The following LOC400499 variants were observed in gnomAD, a reference collection of about 807,000 sequenced individuals.
At chr16:11,458,557 G>C in the LOC400499 span, among the ~76,000 whole-genome samples, 1 of 151,768 alleles carries the variant, frequency 6.6e-6, no homozygotes, top group Non-Finnish European at 1.5e-5. Context: ...GTGTTAGCTA[G>C]AGTAGTCAAA....
chr16:11,471,044 G>A, the LOC400499 span, among the ~76,000 whole-genome samples: 1,016 of 152,344 alleles, frequency 6.7e-3, 7 homozygotes, highest in Middle Eastern at 0.01. Flanking sequence ...GGGCCTGTGG[G>A]TCACGGCGTC....
chr16:11,383,440 G>C, the LOC400499 span, among the ~76,000 whole-genome samples: 5 of 152,164 alleles, frequency 3.3e-5, no homozygotes, highest in Middle Eastern at 3.2e-3. Context: ...ACCAAACGGA[G>C]GGCACTAGGC....
At chr16:11,391,552 G>C in the LOC400499 span, 1 of 908,692 alleles carries the variant, frequency 1.1e-6, no homozygotes, top group Non-Finnish European at 1.4e-6. Flanking sequence ...GGGAAGCGAG[G>C]CCACATTTCT....
At chr16:11,415,703 A>G in the LOC400499 span, among the ~76,000 whole-genome samples, 4 of 152,156 alleles carry the variant, frequency 2.6e-5, no homozygotes, top group African/African-American at 9.7e-5. Flanking sequence ...GGTAGGGACA[A>G]CAGACTGGAC....
At chr16:11,510,169 C>T in the LOC400499 span, among the ~76,000 whole-genome samples, 1 of 151,540 alleles carries the variant, frequency 6.6e-6, no homozygotes, top group African/African-American at 2.4e-5. Flanking sequence ...CAAAGACCTA[C>T]CCTCGAATCC....
chr16:11,506,904 C>T, the LOC400499 span, among the ~76,000 whole-genome samples: 4 of 152,210 alleles, frequency 2.6e-5, no homozygotes, highest in African/African-American at 4.8e-5. Context: ...TGGTGTGCAC[C>T]GATGTGTCCC....
the LOC400499 span, chr16:11,475,543 C>G: frequency 3.8e-5 from 15 of 397,768 alleles, no homozygotes; most frequent in Non-Finnish European, 6.2e-5. Context: ...GAGAGCAACT[C>G]TGGGATCTGG....
chr16:11,479,565 G>C, the LOC400499 span, among the ~76,000 whole-genome samples: 1 of 152,058 alleles, frequency 6.6e-6, no homozygotes, highest in African/African-American at 2.4e-5. Context: ...CAAGGCTGTA[G>C]CGAGCTATGA....
chr16:11,465,194 T>G, the LOC400499 span: 1 of 152,332 alleles, frequency 6.6e-6, no homozygotes, highest in South Asian at 2.1e-4. Flanking sequence ...TGGCATGATC[T>G]CGACTCACTG....
the LOC400499 span, chr16:11,383,659 G>C: frequency 1.6e-6 from 2 of 1,232,320 alleles, no homozygotes; most frequent in Non-Finnish European, 1.0e-6. Context: ...TGGAGGAGGG[G>C]CCAGGGGTAC....
At chr16:11,452,167 C>T in the LOC400499 span, among the ~76,000 whole-genome samples, 1 of 150,638 alleles carries the variant, frequency 6.6e-6, no homozygotes, top group Non-Finnish European at 1.5e-5. Flanking sequence ...AACTCAGGCC[C>T]TCCAGAACAT....
chr16:11,443,313 G>C, the LOC400499 span: 2 of 353,392 alleles, frequency 5.7e-6, no homozygotes, highest in East Asian at 9.1e-5. Context: ...AACAGAGCAA[G>C]ACTCGATCCT....
At chr16:11,400,670 G>A in the LOC400499 span, among the ~76,000 whole-genome samples, 4 of 152,152 alleles carry the variant, frequency 2.6e-5, no homozygotes, top group South Asian at 8.3e-4. Context: ...CAAATTCTTG[G>A]CCTCAAGTGA....
chr16:11,390,494 A>G, the LOC400499 span: 2 of 1,233,494 alleles, frequency 1.6e-6, no homozygotes, highest in Non-Finnish European at 2.0e-6. Context: ...CCACCATGAG[A>G]CCTCAGGGCA....
At chr16:11,403,470 CAT>C in the LOC400499 span, among the ~76,000 whole-genome samples, 15 of 148,350 alleles carry the variant, frequency 1.0e-4, no homozygotes, top group African/African-American at 2.1e-4. Flanking sequence ...CACATACACA[CAT>C]GAGCACACAT....
chr16:11,392,499 C>T, the LOC400499 span: 2 of 398,956 alleles, frequency 5.0e-6, no homozygotes, highest in South Asian at 1.3e-4. Flanking sequence ...TCCTCTCTGC[C>T]CCCTGGAGCC....
chr16:11,455,453 G>T, the LOC400499 span, among the ~76,000 whole-genome samples: 1 of 152,002 alleles, frequency 6.6e-6, no homozygotes, highest in Non-Finnish European at 1.5e-5. Context: ...TTGGGGTAGG[G>T]GCCAGGCACA....
At chr16:11,458,120 G>A in the LOC400499 span, among the ~76,000 whole-genome samples, 40 of 152,302 alleles carry the variant, frequency 2.6e-4, no homozygotes, top group African/African-American at 8.7e-4. Context: ...CAAGGCAGGC[G>A]GATCACCCGA....
the LOC400499 span, among the ~76,000 whole-genome samples, chr16:11,510,061 C>G: frequency 6.6e-6 from 1 of 151,508 alleles, no homozygotes; most frequent in Non-Finnish European, 1.5e-5. Flanking sequence ...GTGACTGCTT[C>G]CTAATAAAGA....
Sources: allele counts gnomAD v4.1 joint callset (sites outside exome capture counted in the v4.1 genomes callset), GRCh38; gene constraint gnomAD v4.1.1; transcripts MANE v1.5.